NAP1L4: variants seen among roughly 807,000 people sequenced by gnomAD.
NAP1L4 encodes the protein nucleosome assembly protein 1-like 4.
In NAP1L4, 15 loss-of-function variants were observed where a neutral mutation model predicts 58.2. The ratio of observed to expected loss-of-function variants is 0.26; its 90% CI spans 0.17 to 0.40. NAP1L4 has a LOEUF of 0.40. Among genes scored for constraint, NAP1L4 ranks in the 10% least tolerant of loss-of-function variants. NAP1L4 has a pLI of 1.00. For synonymous variants in NAP1L4, 171 were observed against 155.6 expected (o/e 1.10, Z -0.74); for missense variants, 384 against 451.1 (o/e 0.85, Z 1.35).
chr11:2,960,880 C>A (rs1423729046), intron 8 of NAP1L4, among the ~76,000 whole-genome samples: 1 of 152,146 alleles, frequency 6.6e-6, no homozygotes, highest in Non-Finnish European at 1.5e-5. Flanking sequence ...AGACAGTTTA[C>A]AAGACCAGTT....
intron 10 of NAP1L4, among the ~76,000 whole-genome samples, chr11:2,956,212 T>C (rs1447009759): frequency 6.6e-6 from 1 of 152,240 alleles, no homozygotes. Flanking sequence ...ACTAAGGCAC[T>C]GCAAATCAGC....
intron 1 of NAP1L4, among the ~76,000 whole-genome samples, chr11:2,981,369 G>A (rs530554081): frequency 1.5e-5 from 2 of 129,390 alleles, no homozygotes; most frequent in Non-Finnish European, 3.1e-5. Context: ...AGTGACCTAT[G>A]ACTGCGCCAC....
chr11:2,960,850 C>A (rs1273381913), intron 8 of NAP1L4, among the ~76,000 whole-genome samples: 1 of 152,128 alleles, frequency 6.6e-6, no homozygotes, highest in African/African-American at 2.4e-5. Context: ...ATGGAAGATG[C>A]GCTTGGTTGA....
intron 4 of NAP1L4, among the ~76,000 whole-genome samples, chr11:2,973,663 T>C (rs1255696961): frequency 6.6e-6 from 1 of 152,208 alleles, no homozygotes; most frequent in Non-Finnish European, 1.5e-5. Flanking sequence ...ATGCTTAACA[T>C]TCTAGAACTA....
At chr11:2,983,027 A>C (rs1848417557) in intron 1 of NAP1L4, among the ~76,000 whole-genome samples, 1 of 152,120 alleles carries the variant, frequency 6.6e-6, no homozygotes, top group South Asian at 2.1e-4. Context: ...CTCAAAAAAA[A>C]ACAAAAAACA....
rs946856294 is a variant in NAP1L4 at position 2,962,669 on chromosome 11, GA to G, written c.606+2010del. On this transcript the variant is annotated intron_variant, in intron 8 of 15. Coordinates refer to ENST00000380542, the MANE Select transcript of NAP1L4 (RefSeq NM_005969.4). Reference sequence around the variant, plus strand: ...GACTTTTATAATAGGGAAGTAAAAAGAAAAAAAAAAATTACTGGTCCACAGT... The same window carrying G: ...GACTTTTATAATAGGGAAGTAAAAAGAAAAAAAAAATTACTGGTCCACAGT... 1.7e-3 allele frequency among the ~76,000 whole-genome samples: 246 copies of G among 143,516 alleles called. 1 individual carries two copies. Among genetic ancestry groups the G allele is most frequent in the African/African-American group, 5.1e-3 (200 of 39,220 alleles). 94.2% of individuals were successfully genotyped at this position (143,516 alleles called of 152,430 possible).
chr11:2,978,212 A>G (rs1037182097), intron 3 of NAP1L4, 72 bp downstream of exon 3: 86 of 1,435,182 alleles, frequency 6.0e-5, no homozygotes, highest in Non-Finnish European at 7.7e-5. Context: ...CTTTACTTGC[A>G]TTAATAAATG....
intron 12 of NAP1L4, 195 bp from the exon 13 acceptor site, chr11:2,952,004 T>C (rs1342468405): frequency 1.6e-6 from 1 of 634,934 alleles, no homozygotes; most frequent in Non-Finnish European, 2.8e-6. Flanking sequence ...GCCAGGAAAT[T>C]GAAAGTCACG....
Position 2,954,886 on chromosome 11 carries a change from C to T in NAP1L4, c.916-240G>A. 1 of 574,270 alleles carries T rather than the reference C, an allele frequency of 1.7e-6. No individual in the cohort carries two copies. Among genetic ancestry groups the T allele is most frequent in the South Asian group, 2.0e-5 (1 of 49,780 alleles). 35.6% of individuals were successfully genotyped at this position (574,270 alleles called of 1,614,324 possible). On this transcript the variant is annotated intron_variant, in intron 11 of 15. Transcript: ENST00000380542. This position sits in a 1 kb window ranked among gnomAD's most constrained non-coding sequence, Gnocchi z 4.8. ...GTGGGAAGTGAGGGCCCTACAGCTC[C>T]ACAACTTGTCCAAAGGTCTCACCCA... is the stretch of plus-strand genomic sequence containing the variant.
intron 15 of NAP1L4, among the ~76,000 whole-genome samples, chr11:2,947,592 A>T (rs1011012442): frequency 6.6e-6 from 1 of 151,670 alleles, no homozygotes; most frequent in African/African-American, 2.4e-5. Flanking sequence ...AGAGACACCA[A>T]TTGTTTTTAG....
intron 3 of NAP1L4, among the ~76,000 whole-genome samples, chr11:2,976,729 G>A (rs1246900568): frequency 6.6e-6 from 1 of 152,222 alleles, no homozygotes; most frequent in Non-Finnish European, 1.5e-5. Flanking sequence ...ACCTACATGT[G>A]TAGTGAGCTC....
intron 7 of NAP1L4, among the ~76,000 whole-genome samples, chr11:2,965,776 C>T (rs190040880): frequency 1.3e-5 from 2 of 152,164 alleles, no homozygotes; most frequent in African/African-American, 2.4e-5. Context: ...GTGATCCACC[C>T]ACCTCGGCCT....
At chr11:2,982,849 C>T (rs1228355884) in intron 1 of NAP1L4, among the ~76,000 whole-genome samples, 1 of 152,046 alleles carries the variant, frequency 6.6e-6, no homozygotes, top group South Asian at 2.1e-4. Context: ...GGTAAAACCC[C>T]GTCTCTACTA....
rs988134623 is a variant in NAP1L4 at position 2,954,296 on chromosome 11, A to G, written c.1035+231T>C. The G allele has an allele frequency of 9.7e-6, 6 of 620,288 alleles. No individual in the cohort carries two copies. Among genetic ancestry groups the G allele is most frequent in the Non-Finnish European group, 1.7e-5 (6 of 352,478 alleles). 38.4% of individuals were successfully genotyped at this position (620,288 alleles called of 1,614,324 possible). On this transcript the variant is annotated intron_variant, in intron 12 of 15. Transcript: ENST00000380542. This position sits in a 1 kb window ranked among gnomAD's most constrained non-coding sequence, Gnocchi z 4.8. ...GCAGGGCTCACATAGGAAACTGGCA[A>G]TCACCTCTGAAACTGCTTCACAGAC...
At position 2,951,843 on chromosome 11, in the gene NAP1L4, C is replaced by G. The variant is rs773977531; in HGVS notation, c.1036-34G>C. ...ACACAGAAAAACATTTTTAGGTTTA[C>G]AAAACATGACAGCAGCCTGCCCAAG... On this transcript the variant is annotated intron_variant, in intron 12 of 15. Coordinates refer to ENST00000380542, the MANE Select transcript of NAP1L4 (RefSeq NM_005969.4). This position sits in a 1 kb window ranked among gnomAD's most constrained non-coding sequence, Gnocchi z 4.0. 1.7e-5 allele frequency: 27 copies of G among 1,606,168 alleles called. No individual in the cohort carries two copies. The highest frequency in any genetic ancestry group is 3.3e-4 in the Middle Eastern group (2 of 6,050).
Position 2,945,396 on chromosome 11 carries a change from ACCT to A in NAP1L4, c.*280_*282del, listed in dbSNP as rs1845887775. 8.9e-6 allele frequency: 5 copies of A among 561,634 alleles called. No homozygotes were observed. The highest frequency in any genetic ancestry group is 3.3e-5 in the Admixed American group (1 of 30,676). The allele number at this position is 561,634 out of a possible 1,614,324, so 34.8% of individuals were successfully genotyped here. A position where few individuals can be genotyped will look rare whatever the true frequency, so the allele number is the denominator to read the frequency against. On this transcript the variant is annotated 3_prime_UTR_variant, in exon 16 of 16. Transcript: ENST00000380542. Reference sequence around the variant, plus strand: ...AAGGCTGCAGAGGGTGCTGGACGAAACCTCCTATTTCTGAAATGCATTTCAGTT... The same window carrying A: ...AAGGCTGCAGAGGGTGCTGGACGAAACCTATTTCTGAAATGCATTTCAGTT...
chr11:2,974,182 C>T (rs530813537), intron 4 of NAP1L4, among the ~76,000 whole-genome samples: 8 of 152,098 alleles, frequency 5.3e-5, no homozygotes, highest in Admixed American at 2.6e-4. Context: ...GCACAACGTG[C>T]AGGTTTGTTA....
intron 4 of NAP1L4, among the ~76,000 whole-genome samples, chr11:2,974,638 A>G (rs1263231270): frequency 6.6e-6 from 1 of 152,146 alleles, no homozygotes; most frequent in Admixed American, 6.6e-5. Context: ...GCTCATGCCT[A>G]TAATCCCAGC....
At chr11:2,976,360 C>A (rs1018115311) in intron 3 of NAP1L4, among the ~76,000 whole-genome samples, 6 of 152,146 alleles carry the variant, frequency 3.9e-5, no homozygotes, top group Non-Finnish European at 8.8e-5. Context: ...TGAATAAACA[C>A]CTAGAGAGTC....
Sources: allele counts gnomAD v4.1 joint callset (sites outside exome capture counted in the v4.1 genomes callset), GRCh38; gene constraint gnomAD v4.1.1; non-coding constraint Gnocchi (gnomAD v3.1); transcripts MANE v1.5; gene names NCBI Gene and HGNC (gene_info 2026-07-23, HGNC 2026-07-21).